RNF126: variants seen among roughly 807,000 people sequenced by gnomAD.
The protein encoded by RNF126 is E3 ubiquitin-protein ligase RNF126.
RNF126 carries 20 observed loss-of-function variants against 41.9 expected under a neutral mutation model. That is an observed-to-expected ratio of 0.48 (90% CI 0.34 to 0.69). The LOEUF (loss-of-function observed/expected upper bound fraction) is 0.69. Among genes scored for constraint, RNF126 ranks in the 30% least tolerant of loss-of-function variants. The pLI, the probability that RNF126 is intolerant of heterozygous loss-of-function variation, is 0.01. For synonymous variants in RNF126, 239 were observed against 202.9 expected (o/e 1.18, Z -1.51); for missense variants, 433 against 460.6 (o/e 0.94, Z 0.55).
intron 2 of RNF126, chr19:652,530 T>C (rs2030361904): frequency 1.7e-6 from 1 of 600,404 alleles, no homozygotes; most frequent in Non-Finnish European, 2.9e-6. Flanking sequence ...CGTGAGAATG[T>C]GGGTAGGGCC....
chr19:660,111 C>T (rs2030732906), intron 1 of RNF126, among the ~76,000 whole-genome samples: 2 of 152,256 alleles, frequency 1.3e-5, no homozygotes, highest in Non-Finnish European at 2.9e-5. Context: ...GTGCCGTCGT[C>T]GCCTGAGCCC....
In RNF126 at chr19:659,556, G is replaced by A. The variant is rs987613402; in HGVS notation, c.75+3491C>T. 6.6e-6 allele frequency among the ~76,000 whole-genome samples: 1 copy of A among 152,184 alleles called. No homozygotes were observed. The highest frequency in any genetic ancestry group is 2.4e-5 in the African/African-American group (1 of 41,442). On this transcript the variant is annotated intron_variant, in intron 1 of 8. Transcript: ENST00000292363. This position sits in a 1 kb window ranked among gnomAD's most constrained non-coding sequence, Gnocchi z 4.9. Reference sequence around the variant, plus strand: ...CAGGGCCACCTCCCTGCGCCCGCCTGGTTCCTGGGGGCTCAGTGCCCTCAG... The same window carrying A: ...CAGGGCCACCTCCCTGCGCCCGCCTAGTTCCTGGGGGCTCAGTGCCCTCAG...
intron 1 of RNF126, among the ~76,000 whole-genome samples, 171 bp downstream of exon 1, chr19:662,876 G>A (rs1033600085): frequency 3.9e-5 from 6 of 151,960 alleles, no homozygotes; most frequent in Non-Finnish European, 7.4e-5. Context: ...CGCGCGCACC[G>A]CCCGGGCTCC....
At chr19:649,614 A>G in intron 6 of RNF126, 65 bp downstream of exon 6, 1 of 1,326,440 alleles carries the variant, frequency 7.5e-7, no homozygotes, top group Non-Finnish European at 1.1e-6. Flanking sequence ...GCAGTGGGGC[A>G]GCTCCCAGGG....
chr19:662,772 T>C (rs1271378951), intron 1 of RNF126, among the ~76,000 whole-genome samples: 1 of 152,028 alleles, frequency 6.6e-6, no homozygotes, highest in Admixed American at 6.5e-5. Context: ...GCCGCGGATG[T>C]GGGGTCACCC....
chr19:654,362 C>CG (rs796696653), intron 1 of RNF126, among the ~76,000 whole-genome samples: 1 of 152,164 alleles, frequency 6.6e-6, no homozygotes, highest in Non-Finnish European at 1.5e-5. Flanking sequence ...CCGCCATCAC[C>CG]GGGGGCGCGG....
chr19:661,131 A>C (rs1011434786), intron 1 of RNF126, among the ~76,000 whole-genome samples: 4 of 152,260 alleles, frequency 2.6e-5, no homozygotes, highest in African/African-American at 9.6e-5. Flanking sequence ...CCCCAGGCCC[A>C]GTGACAGTCG....
rs150753457 is a variant in RNF126 at position 651,388 on chromosome 19, G to A, written c.443+223C>T. On this transcript the variant is annotated intron_variant, in intron 4 of 8. Transcript: ENST00000292363. ...AGCACGTGGGCCTGGCAGGCACACGGTGCCCCACTCTGTGGTCAACCCACA... is the reference window on the plus strand; with the variant it reads ...AGCACGTGGGCCTGGCAGGCACACGATGCCCCACTCTGTGGTCAACCCACA... The A allele has an allele frequency of 4.6e-3, 1,916 of 415,146 alleles. 53 individuals are homozygous for A. The Admixed American group carries it at 0.049, about 11-fold the overall frequency. 25.7% of individuals were successfully genotyped at this position (415,146 alleles called of 1,614,324 possible).
chr19:652,209 A>G, intron 3 of RNF126, 24 bp downstream of exon 3: 2 of 1,507,790 alleles, frequency 1.3e-6, no homozygotes, highest in South Asian at 1.3e-5. Context: ...CACGATCGGG[A>G]AGCACGAGGG....
chr19:652,694 G>A, intron 2 of RNF126, 132 bp downstream of exon 2: 1 of 790,890 alleles, frequency 1.3e-6, no homozygotes, highest in East Asian at 2.6e-5. Context: ...AGAGAAAAGT[G>A]CTCCCGGAGC....
chr19:662,978 C>A, intron 1 of RNF126, 69 bp downstream of exon 1: 1 of 769,600 alleles, frequency 1.3e-6, no homozygotes, highest in Non-Finnish European at 1.8e-6. Flanking sequence ...CGACCCCCAC[C>A]CCGGCCCCGG....
At chr19:662,213 C>T (rs1426976163) in intron 1 of RNF126, among the ~76,000 whole-genome samples, 2 of 152,152 alleles carry the variant, frequency 1.3e-5, no homozygotes, top group South Asian at 2.1e-4. Flanking sequence ...ACTCCGAAAC[C>T]CTGGAAAAGG....
At chr19:655,018 A>G (rs548737607) in intron 1 of RNF126, among the ~76,000 whole-genome samples, 20 of 151,988 alleles carry the variant, frequency 1.3e-4, no homozygotes, top group Middle Eastern at 6.8e-3. Context: ...AAGAAAGAAA[A>G]AAAAGCCCAG....
Position 652,812 on chromosome 19 carries a change from G to C in RNF126, c.134+14C>G. The C allele has an allele frequency of 5.0e-6, 8 of 1,611,474 alleles. No homozygotes were observed. The highest frequency in any genetic ancestry group is 6.8e-6 in the Non-Finnish European group (8 of 1,178,642). On this transcript the variant is annotated intron_variant, in intron 2 of 8. Transcript: ENST00000292363. ...GCTGGCTCTTCCAGCCTCTTCAACA[G>C]GGGGCTGCATTACCTGGTCTCTTCC...
chr19:648,326 G>A, intron 8 of RNF126, 46 bp downstream of exon 8: 1 of 1,526,618 alleles, frequency 6.6e-7, no homozygotes, highest in Non-Finnish European at 8.8e-7. Flanking sequence ...GTTAGAGGCG[G>A]GAGGGCCGCG....
At chr19:651,411 A>C in intron 4 of RNF126, 200 bp downstream of exon 4, 3 of 473,106 alleles carry the variant, frequency 6.3e-6, no homozygotes, top group Non-Finnish European at 1.1e-5. Context: ...TGGTCAACCC[A>C]CACACCCTGA....
chr19:651,072 C>T (rs1363021390), intron 4 of RNF126, among the ~76,000 whole-genome samples: 3 of 152,182 alleles, frequency 2.0e-5, no homozygotes, highest in Admixed American at 1.3e-4. Context: ...AGGTGAGACA[C>T]ACAACCATAA....
chr19:650,474 G>A (rs557764247), intron 4 of RNF126, 178 bp from the exon 5 acceptor site: 18 of 562,890 alleles, frequency 3.2e-5, no homozygotes, highest in Middle Eastern at 4.4e-4. Context: ...CAGGAGAGAA[G>A]CAGCTTGATC....
intron 4 of RNF126, among the ~76,000 whole-genome samples, chr19:651,156 G>T (rs984135896): frequency 5.3e-5 from 8 of 149,836 alleles, no homozygotes; most frequent in Admixed American, 1.3e-4. Flanking sequence ...AGGGCCCAGC[G>T]ACGGCTCCCC....
Sources: allele counts gnomAD v4.1 joint callset (sites outside exome capture counted in the v4.1 genomes callset), GRCh38; gene constraint gnomAD v4.1.1; non-coding constraint Gnocchi (gnomAD v3.1); transcripts MANE v1.5; gene names NCBI Gene and HGNC (gene_info 2026-07-23, HGNC 2026-07-21).